MAGI3: variants seen among roughly 807,000 people sequenced by gnomAD.
MAGI3 encodes the protein membrane associated guanylate kinase, WW and PDZ domain containing 3, also known as membrane-associated guanylate kinase, WW and PDZ domain-containing protein 3.
In MAGI3, 43 loss-of-function variants were observed where a neutral mutation model predicts 121.8. The ratio of observed to expected loss-of-function variants is 0.35; its 90% CI spans 0.28 to 0.46. MAGI3 has a LOEUF of 0.46. MAGI3 is among the 20% of genes least tolerant of loss of function. MAGI3 has a pLI of 1.00. For synonymous variants in MAGI3, 553 were observed against 639.3 expected, an observed-to-expected ratio of 0.86 and a Z score of 2.04; for missense variants, 1,547 against 1,797.3, an observed-to-expected ratio of 0.86 and a Z score of 2.52.
chr1:113,513,592 G>A (rs1434134446), intron 1 of MAGI3, among the ~76,000 whole-genome samples: 1 of 152,026 alleles, frequency 6.6e-6, no homozygotes, highest in African/African-American at 2.4e-5. Flanking sequence ...AGCTGAAACT[G>A]GATCCCTTCC....
intron 7 of MAGI3, among the ~76,000 whole-genome samples, chr1:113,618,230 A>T (rs1048182369): frequency 2.1e-4 from 32 of 152,132 alleles, no homozygotes; most frequent in African/African-American, 7.7e-4. Context: ...ACAGCTACTC[A>T]GGAGGCTGAG....
At chr1:113,682,176 T>TTC (rs1553218270) in intron 20 of MAGI3, 79 of 1,570,828 alleles carry the variant, frequency 5.0e-5, no homozygotes, top group East Asian at 6.8e-5. Flanking sequence ...TTTTTTTTTT[T>TTC]CACATAGTCC....
chr1:113,436,175 T>C (rs575614403), intron 1 of MAGI3, among the ~76,000 whole-genome samples: 1 of 152,286 alleles, frequency 6.6e-6, no homozygotes, highest in Admixed American at 6.5e-5. Context: ...TATAATTTGA[T>C]AATTCAGAAC....
chr1:113,482,337 C>G (rs1480177509), intron 1 of MAGI3, among the ~76,000 whole-genome samples: 1 of 151,834 alleles, frequency 6.6e-6, no homozygotes, highest in African/African-American at 2.4e-5. Flanking sequence ...TTGAGAGTTT[C>G]CTATTTAATT....
intron 9 of MAGI3, among the ~76,000 whole-genome samples, chr1:113,625,625 T>C (rs1379571910): frequency 6.6e-6 from 1 of 152,188 alleles, no homozygotes; most frequent in African/African-American, 2.4e-5. Context: ...AAATATAAGA[T>C]CCCATCATCT....
Position 113,653,942 on chromosome 1 carries a change from T to A in MAGI3, c.2553T>A (p.Asp851Glu). Residue 851 changes from aspartate (D) to glutamate (E), a missense_variant, in exon 15 of 21, where the codon GAT becomes GAA. Physicochemically the swap from Asp to Glu is conservative, Grantham distance 45. Transcript: ENST00000307546. ...PARPAPQEPY[D>E]VVLQRKENEG... Reference sequence around the variant, plus strand: ...GGCCTGCACCCCAGGAGCCCTATGATGTTGTCTTGCAACGAAAAGAAAATG... The same window carrying A: ...GGCCTGCACCCCAGGAGCCCTATGAAGTTGTCTTGCAACGAAAAGAAAATG... 3 of 1,614,078 alleles carry A rather than the reference T, an allele frequency of 1.9e-6. No homozygotes were observed. The highest frequency in any genetic ancestry group is 2.5e-6 in the Non-Finnish European group (3 of 1,179,992).
intron 14 of MAGI3, among the ~76,000 whole-genome samples, chr1:113,653,304 T>A (rs1265343005): frequency 1.3e-5 from 2 of 152,226 alleles, no homozygotes; most frequent in East Asian, 3.8e-4. Flanking sequence ...AGAATTTTTT[T>A]ACTATCAAAT....
In MAGI3 at chr1:113,448,215, A is replaced by G. The variant is rs190626336; in HGVS notation, c.316+56866A>G. Among the ~76,000 whole-genome samples the G allele has an allele frequency of 2.6e-3, 403 of 152,306 alleles. 2 individuals are homozygous for G. Among genetic ancestry groups the G allele is most frequent in the African/African-American group, 9.2e-3 (384 of 41,566 alleles). On this transcript the variant is annotated intron_variant, in intron 1 of 20. Transcript: ENST00000307546. ...ATCTGGGCTTTTTGGTGATCTTTCT[A>G]TGTGAGCACGTACAGCTAATTTGAC...
At chr1:113,566,800 GA>G (rs1660450599) in intron 2 of MAGI3, among the ~76,000 whole-genome samples, 1 of 151,956 alleles carries the variant, frequency 6.6e-6, no homozygotes, top group African/African-American at 2.4e-5. Flanking sequence ...GCAGTACTAA[GA>G]GGGAAGTTTA....
At chr1:113,509,765 A>G (rs1657523464) in intron 1 of MAGI3, among the ~76,000 whole-genome samples, 1 of 134,992 alleles carries the variant, frequency 7.4e-6, no homozygotes, top group African/African-American at 2.8e-5. Context: ...AAACTGCATC[A>G]AACAGGTGCT....
intron 1 of MAGI3, among the ~76,000 whole-genome samples, chr1:113,476,898 T>C (rs2101553383): frequency 1.3e-5 from 2 of 152,360 alleles, no homozygotes; most frequent in South Asian, 2.1e-4. Context: ...TTTATGAATC[T>C]GGGTTCTCCT....
At position 113,585,438 on chromosome 1, in the gene MAGI3, C is replaced by T. The variant is rs1459849990; in HGVS notation, c.605C>T (p.Pro202Leu). The T allele has an allele frequency of 1.9e-6, 3 of 1,614,002 alleles. No homozygotes were observed. In the Admixed American group the frequency reaches 5.0e-5, roughly 27 times the overall value. Residue 202 changes from proline (P) to leucine (L), a missense_variant, in exon 4 of 21, where the codon CCA becomes CTA. Physicochemically the swap from Pro to Leu is moderately conservative, Grantham distance 98. Transcript: ENST00000307546. ...KPPAEPSPFQ[P>L]DPVDQVLFDN... Reference sequence around the variant, plus strand: ...CCAGCAGAACCCAGCCCTTTTCAGCCAGATCCAGTTGATCAAGTCCTCTTT... The same window carrying T: ...CCAGCAGAACCCAGCCCTTTTCAGCTAGATCCAGTTGATCAAGTCCTCTTT...
At chr1:113,546,257 G>A (rs143244769) in intron 1 of MAGI3, among the ~76,000 whole-genome samples, 28 of 152,182 alleles carry the variant, frequency 1.8e-4, no homozygotes, top group African/African-American at 4.8e-4. Flanking sequence ...TTTGATGCTT[G>A]TAATATTTTG....
intron 6 of MAGI3, among the ~76,000 whole-genome samples, chr1:113,612,746 T>G (rs561769850): frequency 7.0e-4 from 107 of 152,342 alleles, no homozygotes; most frequent in African/African-American, 2.4e-3. Flanking sequence ...TGTTAATCTC[T>G]TAGTTGCTAA....
At chr1:113,598,141 G>A (rs1557843683) in intron 6 of MAGI3, among the ~76,000 whole-genome samples, 1 of 152,060 alleles carries the variant, frequency 6.6e-6, no homozygotes, top group Non-Finnish European at 1.5e-5. Context: ...AAACCCAGGA[G>A]GTGGAGGTTG....
At chr1:113,523,193 G>GT (rs1160619098) in intron 1 of MAGI3, among the ~76,000 whole-genome samples, 1 of 152,206 alleles carries the variant, frequency 6.6e-6, no homozygotes, top group African/African-American at 2.4e-5. Context: ...ACGTGGAACT[G>GT]TAAGTTCATT....
chr1:113,579,722 A>T (rs894165130), intron 2 of MAGI3, among the ~76,000 whole-genome samples: 2 of 152,158 alleles, frequency 1.3e-5, no homozygotes, highest in Admixed American at 1.3e-4. Flanking sequence ...AGTATTTAGA[A>T]ATACTTATGA....
At chr1:113,600,249 C>T (rs535016045) in intron 6 of MAGI3, among the ~76,000 whole-genome samples, 1 of 151,918 alleles carries the variant, frequency 6.6e-6, no homozygotes, top group African/African-American at 2.4e-5. Flanking sequence ...AGGAAATAAA[C>T]GGTATTCAAT....
chr1:113,562,084 G>C (rs1488152311), intron 2 of MAGI3, among the ~76,000 whole-genome samples: 1 of 152,142 alleles, frequency 6.6e-6, no homozygotes, highest in African/African-American at 2.4e-5. Flanking sequence ...TCTTCAAGGA[G>C]AACTACAAAC....
Sources: allele counts gnomAD v4.1 joint callset (sites outside exome capture counted in the v4.1 genomes callset), GRCh38; gene constraint gnomAD v4.1.1; transcripts MANE v1.5; gene names NCBI Gene and HGNC (gene_info 2026-07-23, HGNC 2026-07-21).